Variants in DSG2 observed in about 807,000 individuals in gnomAD.
DSG2 encodes the protein desmoglein 2, also known as desmoglein-2.
Under a neutral mutation model 75.6 loss-of-function variants are expected in DSG2, and 45 were observed. That is an observed-to-expected ratio of 0.60 (90% CI 0.47 to 0.76). DSG2 has a LOEUF of 0.76. Among genes scored for constraint, DSG2 ranks in the 30% least tolerant of loss-of-function variants. DSG2 has a pLI of 0.00. For synonymous variants in DSG2, 429 were observed against 483.9 expected (o/e 0.89, Z 1.49); for missense variants, 1,267 against 1,357.4 (o/e 0.93, Z 1.05).
In DSG2 at chr18:31,519,857, C is replaced by T. The variant is rs752522753; in HGVS notation, c.136C>T (p.Arg46Trp). The change falls in exon 3 of 15, where the codon CGG becomes TGG. Residue 46 changes from arginine (R) to tryptophan (W), a missense_variant. Transcript: ENST00000261590. ...GCTTCCTAAACATCCTCATTTAGTG[C>T]GGCAAAAGCGCGCCTGGATCACCGC... ...KLLPKHPHLVRQKRAWITAPV... is the reference protein window; with the variant it reads ...KLLPKHPHLVWQKRAWITAPV... 4 of 1,614,092 alleles carry T rather than the reference C, an allele frequency of 2.5e-6. No homozygotes were observed. Among genetic ancestry groups the T allele is most frequent in the Admixed American group, 1.7e-5 (1 of 60,006 alleles).
At chr18:31,503,485 G>A (rs935579392) in intron 1 of DSG2, among the ~76,000 whole-genome samples, 12 of 152,126 alleles carry the variant, frequency 7.9e-5, no homozygotes, top group African/African-American at 2.9e-4. Context: ...AGAAAGTGAG[G>A]CAGAAGAATG....
intron 1 of DSG2, among the ~76,000 whole-genome samples, chr18:31,515,628 G>C (rs541651866): frequency 6.6e-6 from 1 of 152,330 alleles, no homozygotes; most frequent in African/African-American, 2.4e-5. Flanking sequence ...GCCATTGCTA[G>C]CTGGGCAAGT....
At chr18:31,531,799 A>G (rs899815215) in intron 9 of DSG2, among the ~76,000 whole-genome samples, 2 of 152,238 alleles carry the variant, frequency 1.3e-5, no homozygotes, top group Non-Finnish European at 2.9e-5. Flanking sequence ...ACATTTATTG[A>G]GAACCTACAA....
rs1304892190 is a variant in DSG2, at chr18:31,547,337, A to G, written c.*594A>G. On this transcript the variant is annotated 3_prime_UTR_variant, in exon 15 of 15. Coordinates refer to ENST00000261590, the MANE Select transcript of DSG2 (RefSeq NM_001943.5). ...ATACACATTGTATGTTTCTGTGCACATGACAGTGTGTGTGTGTGCACGTAC... is the reference window on the plus strand; with the variant it reads ...ATACACATTGTATGTTTCTGTGCACGTGACAGTGTGTGTGTGTGCACGTAC... The G allele has an allele frequency of 1.1e-5, 2 of 185,722 alleles. No homozygotes were observed. Among genetic ancestry groups the G allele is most frequent in the Non-Finnish European group, 2.2e-5 (2 of 89,190 alleles). 11.5% of individuals were successfully genotyped at this position (185,722 alleles called of 1,614,324 possible).
At chr18:31,514,909 A>G (rs2073085796) in intron 1 of DSG2, among the ~76,000 whole-genome samples, 1 of 152,246 alleles carries the variant, frequency 6.6e-6, no homozygotes, top group Non-Finnish European at 1.5e-5. Context: ...ATATCCTAGT[A>G]AAACACATGA....
In DSG2 at chr18:31,538,930, G is replaced by A. The variant is rs779056577; in HGVS notation, c.1831G>A (p.Gly611Arg). Reference sequence around the variant, plus strand: ...ACAGCATGACTCCTATGTGGGCCTGGGACCCGCAGCAATTGCGCTCATGAT... The same window carrying A: ...ACAGCATGACTCCTATGTGGGCCTGAGACCCGCAGCAATTGCGCTCATGAT... ...EAQHDSYVGL[G>R]PAAIALMILA... is the part of the protein sequence containing the mutation. Residue 611 changes from glycine to arginine, a missense_variant, in exon 12 of 15, where the codon GGA becomes AGA. Coordinates refer to ENST00000261590, the MANE Select transcript of DSG2 (RefSeq NM_001943.5). The A allele has an allele frequency of 1.9e-6, 3 of 1,614,082 alleles. No individual in the cohort carries two copies. Among genetic ancestry groups the A allele is most frequent in the South Asian group, 2.2e-5 (2 of 91,086 alleles).
At chr18:31,534,533 TGGA>T (rs2073217158) in intron 9 of DSG2, among the ~76,000 whole-genome samples, 28 of 127,714 alleles carry the variant, frequency 2.2e-4, no homozygotes, top group African/African-American at 6.1e-4. Flanking sequence ...TTTTTTGAGA[TGGA>T]GTTTTGCTCT....
At chr18:31,499,357 C>CGT (rs34693299) in intron 1 of DSG2, among the ~76,000 whole-genome samples, 34,640 of 149,476 alleles carry the variant, frequency 0.23, 4,187 homozygotes, top group Admixed American at 0.36. Flanking sequence ...GGAAGAAAAT[C>CGT]GTGTGTGTGT....
chr18:31,501,018 TC>T (rs1437396894), intron 1 of DSG2, among the ~76,000 whole-genome samples: 1 of 152,224 alleles, frequency 6.6e-6, no homozygotes, highest in Non-Finnish European at 1.5e-5. Context: ...TACCTTTACA[TC>T]TTATGGTGAT....
rs2073314679 is a variant in DSG2, at chr18:31,546,706, T to C, written c.3320T>C (p.Val1107Ala). 6.2e-7 allele frequency: 1 copy of C among 1,613,998 alleles called. No homozygotes were observed. Among genetic ancestry groups the C allele is most frequent in the Non-Finnish European group, 8.5e-7 (1 of 1,180,036 alleles). ...ACCATAACCACATCTTCCACCAGAG[T>C]TACCAAGCATAGCACTGTACAGCAT... The part of the protein sequence containing the change: ...NSTITTSSTR[V>A]TKHSTVQHSY... The change falls in exon 15 of 15, where the codon GTT becomes GCT. Residue 1107 changes from valine to alanine, a missense_variant. Transcript: ENST00000261590.
intron 1 of DSG2, among the ~76,000 whole-genome samples, chr18:31,513,587 C>T (rs1350961637): frequency 6.6e-6 from 1 of 152,120 alleles, no homozygotes; most frequent in Non-Finnish European, 1.5e-5. Flanking sequence ...AGAGAAAATG[C>T]CAATAAGCTA....
At chr18:31,535,144 C>G in intron 9 of DSG2, 126 bp from the exon 10 acceptor site, 2 of 736,308 alleles carry the variant, frequency 2.7e-6, no homozygotes, top group South Asian at 3.6e-5. Flanking sequence ...TAAAAACATT[C>G]AAAACAAATG....
Position 31,546,168 on chromosome 18 carries a change from A to G in DSG2, c.2782A>G (p.Met928Val), listed in dbSNP as rs778667729. The change falls in exon 15 of 15, where the codon ATG becomes GTG. Residue 928 changes from methionine to valine, a missense_variant. By Grantham distance (21) the Met-to-Val change is conservative (BLOSUM62 1). Coordinates refer to ENST00000261590, the MANE Select transcript of DSG2 (RefSeq NM_001943.5). ...QKVATPLPDP[M>V]ASRNVIATET... ...GGTAGCTACACCTCTTCCTGACCCA[A>G]TGGCTTCTAGAAATGTGATAGCAAC... 3 of 1,614,124 alleles carry G rather than the reference A, an allele frequency of 1.9e-6. No homozygotes were observed. Among genetic ancestry groups the G allele is most frequent in the South Asian group, 1.1e-5 (1 of 91,070 alleles).
intron 14 of DSG2, among the ~76,000 whole-genome samples, chr18:31,544,412 G>T (rs2073290778): frequency 1.3e-5 from 2 of 152,076 alleles, no homozygotes; most frequent in Admixed American, 1.3e-4. Context: ...ATGAAAATTT[G>T]TGGGGTACTA....
intron 8 of DSG2, among the ~76,000 whole-genome samples, chr18:31,528,709 C>CA (rs561370463): frequency 0.095 from 7,053 of 74,400 alleles, 249 homozygotes; most frequent in Middle Eastern, 0.19. Flanking sequence ...GACTCCATCT[C>CA]AAAAAAAAAA....
Position 31,546,909 on chromosome 18 carries a change from C to A in DSG2, c.*166C>A. The A allele has an allele frequency of 1.4e-6, 1 of 738,372 alleles. No individual in the cohort carries two copies. The highest frequency in any genetic ancestry group is 1.5e-5 in the South Asian group (1 of 64,884). 45.7% of individuals were successfully genotyped at this position (738,372 alleles called of 1,614,324 possible). ...TATGCAAAGGACCACACTGTCTCTG[C>A]TTCCAGGAGTATTTTAGAAATGTTC... On this transcript the variant is annotated 3_prime_UTR_variant, in exon 15 of 15. Transcript: ENST00000261590.
chr18:31,537,189 G>A (rs916927058), intron 11 of DSG2, among the ~76,000 whole-genome samples: 5 of 152,028 alleles, frequency 3.3e-5, no homozygotes, highest in African/African-American at 1.2e-4. Context: ...GTTAAGTCTA[G>A]CAAATGTTTG....
intron 5 of DSG2, 92 bp from the exon 6 acceptor site, chr18:31,521,991 T>C: frequency 7.9e-7 from 1 of 1,258,038 alleles, no homozygotes; most frequent in Non-Finnish European, 1.1e-6. Context: ...ACCTGAAATC[T>C]TTTTTGGAAC....
chr18:31,546,334 G>T lies in DSG2; in HGVS notation c.2948G>T (p.Gly983Val), dbSNP rs746359987. The T allele has an allele frequency of 1.9e-6, 3 of 1,611,578 alleles. No individual in the cohort carries two copies. The highest frequency in any genetic ancestry group is 2.5e-6 in the Non-Finnish European group (3 of 1,178,356). ...GTAGATCAGCCTTATGCTAATGAAG[G>T]TACAGTTGTGGTCACTGAAAGAGTA... ...TLVDQPYANE[G>V]TVVVTERVIQ... The change falls in exon 15 of 15, where the codon GGT becomes GTT. Residue 983 changes from glycine (G) to valine (V), a missense_variant. By Grantham distance (109) the Gly-to-Val change is moderately radical. Coordinates refer to ENST00000261590, the MANE Select transcript of DSG2 (RefSeq NM_001943.5).
Sources: allele counts gnomAD v4.1 joint callset (sites outside exome capture counted in the v4.1 genomes callset), GRCh38; gene constraint gnomAD v4.1.1; transcripts MANE v1.5; gene names NCBI Gene and HGNC (gene_info 2026-07-23, HGNC 2026-07-21).